Variants in GGTA1 observed in about 807,000 individuals in gnomAD.
GGTA1 encodes glycoprotein alpha-galactosyltransferase 1 (inactive), also known as inactive N-acetyllactosaminide alpha-1,3-galactosyltransferase.
GGTA1 carries 5 observed loss-of-function variants against 2.6 expected under a neutral mutation model. The observed-to-expected ratio is 1.92, with a 90% CI of 1.00 to 4.04. The LOEUF is 4.04. Ranked by LOEUF, GGTA1 falls within the 30% of genes most tolerant of loss-of-function variation. The probability of loss-of-function intolerance (pLI) is 0.00; values close to 1 mark genes in which losing one functional copy is unlikely to be tolerated. For synonymous variants in GGTA1, 17 were observed against 5.0 expected (o/e 3.38, Z -3.19); for missense variants, 50 against 16.7 (o/e 2.99, Z -3.47).
At chr9:121,461,201 T>G (rs2118670656) in intron 4 of GGTA1, 51 bp downstream of exon 4, 1 of 445,444 alleles carries the variant, frequency 2.2e-6, no homozygotes, top group East Asian at 7.0e-5. Context: ...GTGGACCCTC[T>G]GCAAGCACCA....
chr9:121,475,979 A>T (rs139531089), intron 1 of GGTA1, among the ~76,000 whole-genome samples: 119 of 152,318 alleles, frequency 7.8e-4, no homozygotes, highest in African/African-American at 2.7e-3. Context: ...CTCTATTTAC[A>T]TATACAAAAT....
At chr9:121,458,957 A>G (rs2064937097) in intron 5 of GGTA1, among the ~76,000 whole-genome samples, 1 of 152,260 alleles carries the variant, frequency 6.6e-6, no homozygotes, top group Admixed American at 6.5e-5. Flanking sequence ...TATCAAAGCA[A>G]CAATGCTTCC....
chr9:121,480,250 G>A (rs1828613115), intron 1 of GGTA1, among the ~76,000 whole-genome samples: 1 of 151,786 alleles, frequency 6.6e-6, no homozygotes, highest in Admixed American at 6.6e-5. Flanking sequence ...TAGAGATAGG[G>A]TTTCACCACG....
At chr9:121,449,208 G>T (rs1447768562) in intron 7 of GGTA1, among the ~76,000 whole-genome samples, 1 of 152,198 alleles carries the variant, frequency 6.6e-6, no homozygotes, top group African/African-American at 2.4e-5. Flanking sequence ...AAAGGACATT[G>T]TGGTTGCTCT....
intron 1 of GGTA1, among the ~76,000 whole-genome samples, chr9:121,482,749 A>G (rs1051028261): frequency 1.3e-5 from 2 of 152,248 alleles, no homozygotes; most frequent in East Asian, 3.9e-4. Context: ...AGCCCGGGCA[A>G]TAGAGCAAAA....
intron 1 of GGTA1, among the ~76,000 whole-genome samples, chr9:121,490,885 C>G (rs2118766538): frequency 6.6e-6 from 1 of 152,306 alleles, no homozygotes; most frequent in South Asian, 2.1e-4. Flanking sequence ...TTCTCATTTG[C>G]TACTCAATGT....
At chr9:121,489,987 T>C (rs1564657996) in intron 1 of GGTA1, among the ~76,000 whole-genome samples, 1 of 152,268 alleles carries the variant, frequency 6.6e-6, no homozygotes, top group African/African-American at 2.4e-5. Flanking sequence ...CTCATTCACG[T>C]ATTTGATTAT....
chr9:121,491,598 GT>G (rs371689583), intron 1 of GGTA1, among the ~76,000 whole-genome samples: 7,121 of 147,406 alleles, frequency 0.048, 183 homozygotes, highest in East Asian at 0.12. Flanking sequence ...TGTGCAATTA[GT>G]TTTTTTTTTT....
intron 5 of GGTA1, 81 bp from the exon 6 acceptor site, chr9:121,455,922 G>A: frequency 4.6e-6 from 2 of 438,094 alleles, no homozygotes; most frequent in South Asian, 3.3e-5. Context: ...TTAATTATTT[G>A]ATTCCACTGA....
At chr9:121,496,206 C>T (rs1448229525) in intron 1 of GGTA1, among the ~76,000 whole-genome samples, 1 of 152,228 alleles carries the variant, frequency 6.6e-6, no homozygotes, top group Non-Finnish European at 1.5e-5. Flanking sequence ...GCATAACAAA[C>T]AACCCCCAAA....
chr9:121,445,101 G>A (rs2064846850), exon 8 of GGTA1: 1 of 152,068 alleles, frequency 6.6e-6, no homozygotes, highest in Admixed American at 6.6e-5. Flanking sequence ...CTTTAATGAA[G>A]TTTTTTAAAA....
At chr9:121,454,249 A>G (rs1213200565), downstream of GGTA1, among the ~76,000 whole-genome samples, 1 of 152,182 alleles carries the variant, frequency 6.6e-6, no homozygotes, top group Non-Finnish European at 1.5e-5. Flanking sequence ...TGCACTCTGC[A>G]CCAACCTGTG....
rs2064901484 is a variant in GGTA1, at chr9:121,455,290, G to A, written c.*547C>T. 1 of 152,144 alleles carries A rather than the reference G, an allele frequency of 6.6e-6. No homozygotes were observed. The highest frequency in any genetic ancestry group is 2.4e-5 in the African/African-American group (1 of 41,416). The allele number at this position is 152,144 out of a possible 1,614,324, so 9.4% of individuals were successfully genotyped here. A position where few individuals can be genotyped will look rare whatever the true frequency, so the allele number is the denominator to read the frequency against. The stretch of plus-strand genomic sequence containing the variant: ...TCTTGTTCGTTACACCTCATTCATT[G>A]CATCTTAGTTTTAGCTTGTCAAAGA... On this transcript the variant is annotated 3_prime_UTR_variant, in exon 6 of 6. Coordinates refer to ENST00000481799, the MANE Select transcript of GGTA1 (RefSeq NM_001382585.1).
At chr9:121,452,229 C>T (rs1042083446), downstream of GGTA1, 2 of 152,636 alleles carry the variant, frequency 1.3e-5, no homozygotes, top group Non-Finnish European at 2.9e-5. Context: ...AAAGTGCCTT[C>T]CCACACAACC....
At chr9:121,463,757 A>T (rs1019233766) in intron 2 of GGTA1, among the ~76,000 whole-genome samples, 5 of 152,114 alleles carry the variant, frequency 3.3e-5, no homozygotes. Context: ...CATTGCAGAG[A>T]TGGGTCCTCT....
intron 1 of GGTA1, among the ~76,000 whole-genome samples, chr9:121,497,091 G>A (rs1028362297): frequency 1.3e-5 from 2 of 152,058 alleles, no homozygotes; most frequent in African/African-American, 4.8e-5. Context: ...TACTTGGGAG[G>A]CTGAGGTGGG....
rs1828517495 is a variant in GGTA1, at chr9:121,476,678, A to G, written c.-9-8747T>C. Among the ~76,000 whole-genome samples, 1 of 152,208 alleles carries G rather than the reference A, an allele frequency of 6.6e-6. No individual in the cohort carries two copies. The highest frequency in any genetic ancestry group is 2.1e-4 in the South Asian group (1 of 4,832). ...CTCAGCCTTTTGGCTCAGATCATGC[A>G]TAGGAACCACCAACCAATATGCGCT... is the stretch of plus-strand genomic sequence containing the variant. On this transcript the variant is annotated intron_variant, in intron 1 of 5. Transcript: ENST00000481799. The surrounding 1 kb of genome is among the most constrained non-coding windows in gnomAD (Gnocchi z 4.6).
intron 1 of GGTA1, among the ~76,000 whole-genome samples, chr9:121,483,281 C>T (rs149260803): frequency 1.3e-5 from 2 of 152,294 alleles, no homozygotes; most frequent in African/African-American, 4.8e-5. Context: ...TTCGTTGGAG[C>T]CAATGCTGTT....
chr9:121,485,608 G>A (rs1157575159), intron 1 of GGTA1, among the ~76,000 whole-genome samples: 1 of 152,184 alleles, frequency 6.6e-6, no homozygotes, highest in African/African-American at 2.4e-5. Context: ...CCCCAAACCT[G>A]GGACTCAGGC....
Sources: allele counts gnomAD v4.1 joint callset (sites outside exome capture counted in the v4.1 genomes callset), GRCh38; gene constraint gnomAD v4.1.1; non-coding constraint Gnocchi (gnomAD v3.1); transcripts MANE v1.5; gene names NCBI Gene and HGNC (gene_info 2026-07-23, HGNC 2026-07-21).